Variants in PPFIA2 observed in about 807,000 individuals in gnomAD.
The protein encoded by PPFIA2 is PPFI scaffold protein A2.
In PPFIA2, 46 loss-of-function variants were observed where a neutral mutation model predicts 175.5. That is an observed-to-expected ratio of 0.26 (90% CI 0.21 to 0.34). The LOEUF (loss-of-function observed/expected upper bound fraction) is 0.34, where lower values mean the gene tolerates loss of function less well. Ranked by LOEUF, PPFIA2 falls within the 10% of genes least tolerant of loss-of-function variation. The pLI, the probability that PPFIA2 is intolerant of heterozygous loss-of-function variation, is 1.00. For missense variants in PPFIA2, 1,179 were observed against 1,506.1 expected (o/e 0.78, Z 3.60); for synonymous variants, 568 against 511.4 (o/e 1.11, Z -1.49).
intron 3 of PPFIA2, among the ~76,000 whole-genome samples, chr12:81,735,159 A>T (rs886881763): frequency 1.3e-5 from 2 of 151,830 alleles, no homozygotes; most frequent in African/African-American, 4.8e-5. Flanking sequence ...GATTTCTAGG[A>T]GTAAATTTTT....
At chr12:81,473,359 A>T (rs1412998640) in intron 4 of PPFIA2, among the ~76,000 whole-genome samples, 1 of 152,194 alleles carries the variant, frequency 6.6e-6, no homozygotes, top group African/African-American at 2.4e-5. Flanking sequence ...CAGTGAGCCG[A>T]GATTGAGCCA....
At chr12:81,429,197 T>G (rs1283367573) in intron 7 of PPFIA2, among the ~76,000 whole-genome samples, 1 of 151,998 alleles carries the variant, frequency 6.6e-6, no homozygotes. Context: ...AAAGCAGTGA[T>G]AGACATACAA....
chr12:81,652,598 C>A (rs1009925359), intron 4 of PPFIA2, among the ~76,000 whole-genome samples: 1 of 152,028 alleles, frequency 6.6e-6, no homozygotes, highest in Non-Finnish European at 1.5e-5. Flanking sequence ...CCCCGTCTTT[C>A]CTTCTGTAAT....
chr12:81,687,562 C>T (rs1423234952), intron 3 of PPFIA2: 1 of 152,000 alleles, frequency 6.6e-6, no homozygotes, highest in African/African-American at 2.4e-5. Flanking sequence ...GGGTAGTCAA[C>T]AGCTCTCCAA....
In PPFIA2 at chr12:81,579,640, G is replaced by A. The variant is rs546203450; in HGVS notation, c.303+97151C>T. 6.6e-5 allele frequency among the ~76,000 whole-genome samples: 10 copies of A among 151,872 alleles called. No individual in the cohort carries two copies. The South Asian group carries it at 8.3e-4, about 13-fold the overall frequency. ...CAATTGGAGTTACAAATTGGCTTAC[G>A]AAGGAAATAATTAAATGACTTCATC... On this transcript the variant is annotated intron_variant, in intron 4 of 32. Transcript: ENST00000549396.
At chr12:81,332,588 T>C (rs1448555977) in intron 21 of PPFIA2, among the ~76,000 whole-genome samples, 1 of 152,208 alleles carries the variant, frequency 6.6e-6, no homozygotes, top group Non-Finnish European at 1.5e-5. Flanking sequence ...TGATTTTTTA[T>C]TGTTGCCTTG....
intron 22 of PPFIA2, among the ~76,000 whole-genome samples, chr12:81,317,183 A>T (rs2052573156): frequency 6.6e-6 from 1 of 151,590 alleles, no homozygotes; most frequent in Non-Finnish European, 1.5e-5. Flanking sequence ...GCACACAAGG[A>T]GGTAAGAGTA....
chr12:81,593,017 C>A (rs985984253), intron 4 of PPFIA2, among the ~76,000 whole-genome samples: 1 of 152,078 alleles, frequency 6.6e-6, no homozygotes, highest in Non-Finnish European at 1.5e-5. Flanking sequence ...CTTGGCCTTG[C>A]AAAGTGCTGA....
intron 4 of PPFIA2, among the ~76,000 whole-genome samples, chr12:81,529,508 G>T (rs547705117): frequency 6.6e-6 from 1 of 150,884 alleles, no homozygotes; most frequent in South Asian, 2.1e-4. Context: ...CAAGTAAATA[G>T]AGAGAGAGAG....
intron 4 of PPFIA2, among the ~76,000 whole-genome samples, chr12:81,507,194 T>C (rs2147643409): frequency 1.3e-5 from 2 of 152,302 alleles, no homozygotes; most frequent in Middle Eastern, 6.8e-3. Flanking sequence ...CAAGCTATCA[T>C]TGGTTCATAT....
At chr12:81,343,630 C>T (rs928056088) in intron 19 of PPFIA2, among the ~76,000 whole-genome samples, 2 of 151,980 alleles carry the variant, frequency 1.3e-5, no homozygotes, top group African/African-American at 4.8e-5. Context: ...GATTTTTGCA[C>T]TGAATAGAAG....
chr12:81,686,485 T>C (rs1400862887), intron 3 of PPFIA2, among the ~76,000 whole-genome samples: 1 of 152,066 alleles, frequency 6.6e-6, no homozygotes, highest in East Asian at 1.9e-4. Flanking sequence ...GTGTCGCTTT[T>C]TCTTGTCCAT....
intron 4 of PPFIA2, among the ~76,000 whole-genome samples, chr12:81,629,893 T>C (rs2063164654): frequency 6.6e-6 from 1 of 152,168 alleles, no homozygotes; most frequent in Non-Finnish European, 1.5e-5. Flanking sequence ...TTACTTTATA[T>C]GGCCAAAAAA....
chr12:81,354,623 TG>T (rs1164628688), intron 16 of PPFIA2, among the ~76,000 whole-genome samples: 1 of 151,940 alleles, frequency 6.6e-6, no homozygotes, highest in Non-Finnish European at 1.5e-5. Flanking sequence ...TTAAAATCAA[TG>T]TCTTCTTAAC....
intron 4 of PPFIA2, among the ~76,000 whole-genome samples, chr12:81,617,565 C>A (rs562552318): frequency 1.3e-5 from 2 of 152,148 alleles, no homozygotes. Flanking sequence ...TTTGCCTAAT[C>A]CCAATCCTCC....
intron 4 of PPFIA2, among the ~76,000 whole-genome samples, chr12:81,486,410 G>A (rs1055479687): frequency 6.6e-6 from 1 of 151,798 alleles, no homozygotes; most frequent in Non-Finnish European, 1.5e-5. Flanking sequence ...AATATGCCAT[G>A]CAGAAAACTT....
chr12:81,719,804 C>A (rs1349881762), intron 3 of PPFIA2, among the ~76,000 whole-genome samples: 1 of 151,168 alleles, frequency 6.6e-6, no homozygotes, highest in East Asian at 1.9e-4. Context: ...GTTCACTGAC[C>A]TTAAAAAAGC....
intron 4 of PPFIA2, among the ~76,000 whole-genome samples, chr12:81,610,342 ATTG>A: frequency 6.6e-6 from 1 of 152,244 alleles, no homozygotes; most frequent in South Asian, 2.1e-4. Context: ...TATTTTCCAA[ATTG>A]TTTATTTTCT....
At chr12:81,426,663 C>CTTATTTAT (rs144612518) in intron 7 of PPFIA2, among the ~76,000 whole-genome samples, 47 of 151,774 alleles carry the variant, frequency 3.1e-4, no homozygotes, top group Admixed American at 8.5e-4. Flanking sequence ...TTTCATCCAT[C>CTTATTTAT]TTATTTATTT....
Sources: gnomAD v4.1 joint callset for allele counts (sites outside exome capture counted in the v4.1 genomes callset) on GRCh38, gnomAD v4.1.1 for gene constraint, MANE v1.5 for transcripts, NCBI Gene and HGNC (gene_info 2026-07-23, HGNC 2026-07-21) for gene names.